CPA6: variants seen among roughly 807,000 people sequenced by gnomAD.
CPA6 encodes the protein carboxypeptidase A6, also known as carboxypeptidase B.
CPA6 carries 58 observed loss-of-function variants against 63.3 expected under a neutral mutation model. The observed-to-expected ratio is 0.92, with a 90% CI of 0.74 to 1.14. CPA6 has a LOEUF of 1.14. Ranked by LOEUF, CPA6 falls within the 50% of genes most tolerant of loss-of-function variation. The pLI is 0.00. For missense variants in CPA6, 565 were observed against 526.6 expected, an observed-to-expected ratio of 1.07 and a Z score of -0.71; for synonymous variants, 185 against 179.0, an observed-to-expected ratio of 1.03 and a Z score of -0.27.
At chr8:67,562,406 A>G (rs7007047) in intron 2 of CPA6, among the ~76,000 whole-genome samples, 66,708 of 152,038 alleles carry the variant, frequency 0.44, 16,360 homozygotes, top group Non-Finnish European at 0.55. Flanking sequence ...TGTCTGACAC[A>G]AGCACACAGC....
chr8:67,635,062 A>T (rs1173806065), intron 1 of CPA6, among the ~76,000 whole-genome samples: 1 of 151,158 alleles, frequency 6.6e-6, no homozygotes, highest in Non-Finnish European at 1.5e-5. Flanking sequence ...ATTTTTTAAA[A>T]AAAATTTTGT....
intron 2 of CPA6, among the ~76,000 whole-genome samples, chr8:67,578,096 A>G (rs1564007761): frequency 6.6e-6 from 1 of 152,176 alleles, no homozygotes; most frequent in Admixed American, 6.5e-5. Context: ...AATATAAAAA[A>G]TTTTTTAGTT....
intron 2 of CPA6, among the ~76,000 whole-genome samples, chr8:67,528,470 A>G (rs1471857766): frequency 6.6e-6 from 1 of 152,146 alleles, no homozygotes; most frequent in Non-Finnish European, 1.5e-5. Context: ...GTGTCCCAGA[A>G]ATGGCTTTCT....
chr8:67,445,540 T>A (rs1279910179), intron 8 of CPA6, among the ~76,000 whole-genome samples: 1 of 152,192 alleles, frequency 6.6e-6, no homozygotes, highest in Non-Finnish European at 1.5e-5. Flanking sequence ...ATTTAAAATG[T>A]TTAGAGATGA....
At chr8:67,653,083 G>T (rs1243061484) in intron 1 of CPA6, among the ~76,000 whole-genome samples, 4 of 151,912 alleles carry the variant, frequency 2.6e-5, no homozygotes, top group Admixed American at 6.6e-5. Context: ...GGGCTCTGTT[G>T]TGTTCCATTG....
At chr8:67,424,696 T>G (rs1809845989) in intron 10 of CPA6, among the ~76,000 whole-genome samples, 1 of 152,232 alleles carries the variant, frequency 6.6e-6, no homozygotes, top group Non-Finnish European at 1.5e-5. Context: ...CTATATATAC[T>G]GTGTCTACAT....
chr8:67,462,845 C>T (rs1810843025), intron 8 of CPA6, among the ~76,000 whole-genome samples: 1 of 152,022 alleles, frequency 6.6e-6, no homozygotes, highest in Non-Finnish European at 1.5e-5. Flanking sequence ...AAGAAACATT[C>T]CAAAGTAGCA....
intron 2 of CPA6, among the ~76,000 whole-genome samples, chr8:67,619,939 T>A (rs1452079923): frequency 6.6e-6 from 1 of 152,234 alleles, no homozygotes; most frequent in African/African-American, 2.4e-5. Flanking sequence ...CTGCTGCAAC[T>A]CTTGTTGTTT....
At chr8:67,480,048 T>G (rs1456872488) in intron 8 of CPA6, among the ~76,000 whole-genome samples, 1 of 152,058 alleles carries the variant, frequency 6.6e-6, no homozygotes, top group Non-Finnish European at 1.5e-5. Context: ...GTGGTTGGGC[T>G]GCTAAAAAAA....
Position 67,684,817 on chromosome 8 carries a change from A to G in CPA6, c.117-60566T>C, listed in dbSNP as rs559989825. The stretch of plus-strand genomic sequence containing the variant: ...ATCTGATCACCTTCCACATCCGATC[A>G]GTCTTCTTATTCTCTATCATCCCCT... On this transcript the variant is annotated intron_variant, in intron 1 of 10. Transcript: ENST00000297770. Among the ~76,000 whole-genome samples the G allele has an allele frequency of 1.2e-3, 181 of 152,272 alleles. 1 individual carries two copies. The highest frequency in any genetic ancestry group is 1.7e-3 in the Non-Finnish European group (114 of 68,026).
intron 6 of CPA6, among the ~76,000 whole-genome samples, chr8:67,490,026 G>A (rs1022310561): frequency 1.3e-5 from 2 of 152,074 alleles, no homozygotes; most frequent in African/African-American, 4.8e-5. Context: ...TGTGATTTTT[G>A]TAACTTTCTA....
intron 1 of CPA6, among the ~76,000 whole-genome samples, chr8:67,720,169 G>C (rs145417835): frequency 1.3e-5 from 2 of 151,430 alleles, no homozygotes; most frequent in African/African-American, 4.9e-5. Flanking sequence ...AGTGGGGGTC[G>C]CAAGGTGCTC....
At chr8:67,553,239 A>G (rs1322793097) in intron 2 of CPA6, among the ~76,000 whole-genome samples, 1 of 152,214 alleles carries the variant, frequency 6.6e-6, no homozygotes, top group Admixed American at 6.5e-5. Context: ...AAGTGTTAAA[A>G]TATAAAAAAT....
At chr8:67,566,706 C>G (rs1025814761) in intron 2 of CPA6, among the ~76,000 whole-genome samples, 4 of 152,192 alleles carry the variant, frequency 2.6e-5, no homozygotes, top group Non-Finnish European at 5.9e-5. Flanking sequence ...ACCACCAAAC[C>G]CTAACCCTAG....
At chr8:67,592,528 TG>T (rs755078245) in intron 2 of CPA6, among the ~76,000 whole-genome samples, 6 of 151,800 alleles carry the variant, frequency 4.0e-5, no homozygotes, top group African/African-American at 1.5e-4. Context: ...GGACTCTTTT[TG>T]GTTGGTAAGC....
At chr8:67,543,063 G>T (rs577894539) in intron 2 of CPA6, among the ~76,000 whole-genome samples, 1 of 151,984 alleles carries the variant, frequency 6.6e-6, no homozygotes, top group South Asian at 2.1e-4. Context: ...ATTTCTTCTT[G>T]TTGTTGTTGT....
At chr8:67,426,960 T>C (rs1809900871) in intron 10 of CPA6, among the ~76,000 whole-genome samples, 1 of 152,220 alleles carries the variant, frequency 6.6e-6, no homozygotes, top group Non-Finnish European at 1.5e-5. Flanking sequence ...CATACTATGA[T>C]TCTTTGTCGA....
intron 1 of CPA6, among the ~76,000 whole-genome samples, chr8:67,687,091 A>G (rs1415894794): frequency 9.0e-6 from 1 of 111,534 alleles, no homozygotes; most frequent in African/African-American, 6.6e-5. Context: ...CAACATCTTA[A>G]CTCCAGTGAT....
At chr8:67,431,139 T>C (rs774323240) in intron 9 of CPA6, among the ~76,000 whole-genome samples, 40 of 150,848 alleles carry the variant, frequency 2.7e-4, no homozygotes, top group Middle Eastern at 3.6e-3. Flanking sequence ...GCTGGGATTA[T>C]AGGCACTAAT....
Sources: gnomAD v4.1 joint callset for allele counts (sites outside exome capture counted in the v4.1 genomes callset) on GRCh38, gnomAD v4.1.1 for gene constraint, MANE v1.5 for transcripts, NCBI Gene and HGNC (gene_info 2026-07-23, HGNC 2026-07-21) for gene names.